Variants in FCHSD2 observed in about 807,000 individuals in gnomAD.
FCHSD2 encodes F-BAR and double SH3 domains protein 2.
Under a neutral mutation model 108.1 loss-of-function variants are expected in FCHSD2, and 38 were observed. The ratio of observed to expected loss-of-function variants is 0.35; its 90% CI spans 0.27 to 0.46. The LOEUF (loss-of-function observed/expected upper bound fraction) is 0.46, where lower values mean the gene tolerates loss of function less well. FCHSD2 is among the 20% of genes least tolerant of loss of function. The pLI is 1.00. For synonymous variants in FCHSD2, 279 were observed against 314.7 expected (o/e 0.89, Z 1.20); for missense variants, 751 against 897.8 (o/e 0.84, Z 2.09).
intron 2 of FCHSD2, among the ~76,000 whole-genome samples, chr11:73,089,623 T>C (rs907908844): frequency 1.3e-5 from 2 of 152,228 alleles, no homozygotes; most frequent in African/African-American, 4.8e-5. Flanking sequence ...GAAGTACTGA[T>C]ACATGCTACA....
At chr11:72,962,851 G>A (rs1403094917) in intron 8 of FCHSD2, among the ~76,000 whole-genome samples, 1 of 151,982 alleles carries the variant, frequency 6.6e-6, no homozygotes, top group East Asian at 1.9e-4. Flanking sequence ...TGCCACAAAA[G>A]TTAAATATCT....
At chr11:72,984,035 T>C (rs906643303) in intron 8 of FCHSD2, 53 bp downstream of exon 8, 17 of 1,474,126 alleles carry the variant, frequency 1.2e-5, no homozygotes, top group Middle Eastern at 1.7e-4. Context: ...CCAACTTAAG[T>C]TGTTTTTGTT....
intron 8 of FCHSD2, among the ~76,000 whole-genome samples, chr11:72,981,168 T>C (rs1857209360): frequency 6.6e-6 from 1 of 152,128 alleles, no homozygotes; most frequent in Admixed American, 6.6e-5. Flanking sequence ...AAACTGAAAG[T>C]ATGTTTTCTC....
intron 3 of FCHSD2, among the ~76,000 whole-genome samples, chr11:73,028,824 T>A (rs1858290800): frequency 2.0e-5 from 3 of 152,156 alleles, no homozygotes; most frequent in African/African-American, 7.2e-5. Context: ...TTTAAAAGTT[T>A]AGCACTTCCC....
At chr11:72,913,599 T>A (rs1258329339) in intron 9 of FCHSD2, among the ~76,000 whole-genome samples, 1 of 152,220 alleles carries the variant, frequency 6.6e-6, no homozygotes, top group Non-Finnish European at 1.5e-5. Flanking sequence ...GGTTTTCCAA[T>A]TTATTGGCAT....
intron 8 of FCHSD2, among the ~76,000 whole-genome samples, chr11:72,932,637 C>T (rs2135328335): frequency 6.6e-6 from 1 of 152,310 alleles, no homozygotes; most frequent in South Asian, 2.1e-4. Context: ...GCCTTAGTCT[C>T]TTCACTTAAT....
At chr11:72,933,732 A>G (rs1856240986) in intron 8 of FCHSD2, among the ~76,000 whole-genome samples, 1 of 152,222 alleles carries the variant, frequency 6.6e-6, no homozygotes, top group Non-Finnish European at 1.5e-5. Context: ...TCAAAGCTTA[A>G]AGTAGACAAT....
intron 8 of FCHSD2, among the ~76,000 whole-genome samples, chr11:72,950,412 G>A (rs984881493): frequency 1.3e-5 from 2 of 151,884 alleles, no homozygotes; most frequent in Admixed American, 6.6e-5. Context: ...CCTATTCTAA[G>A]TTAACATAGA....
chr11:72,981,805 G>A (rs955790657), intron 8 of FCHSD2, among the ~76,000 whole-genome samples: 3 of 152,124 alleles, frequency 2.0e-5, no homozygotes, highest in African/African-American at 4.8e-5. Flanking sequence ...GTGAGACCAC[G>A]CCTCTGCGAA....
At chr11:72,995,526 A>G (rs1026621013) in intron 5 of FCHSD2, among the ~76,000 whole-genome samples, 1 of 151,052 alleles carries the variant, frequency 6.6e-6, no homozygotes, top group African/African-American at 2.4e-5. Flanking sequence ...ACATGGTGAA[A>G]CCTCATCTCT....
At chr11:73,019,699 A>T (rs1227867797) in intron 3 of FCHSD2, among the ~76,000 whole-genome samples, 1 of 152,198 alleles carries the variant, frequency 6.6e-6, no homozygotes. Context: ...TCTAATCTGC[A>T]TGGATGCTCA....
intron 6 of FCHSD2, among the ~76,000 whole-genome samples, chr11:72,986,664 T>C (rs1394691327): frequency 6.6e-6 from 1 of 152,182 alleles, no homozygotes; most frequent in South Asian, 2.1e-4. Flanking sequence ...CCAAATAGGC[T>C]GAGTTGCATG....
chr11:73,032,367 T>G (rs1263616851), intron 3 of FCHSD2, among the ~76,000 whole-genome samples: 6 of 152,110 alleles, frequency 3.9e-5, no homozygotes, highest in African/African-American at 1.4e-4. Context: ...AAACTAATAT[T>G]ACAGGTGTGC....
intron 8 of FCHSD2, among the ~76,000 whole-genome samples, chr11:72,925,988 C>T (rs1856067969): frequency 6.6e-6 from 1 of 152,158 alleles, no homozygotes; most frequent in South Asian, 2.1e-4. Context: ...GGGGGAGGGC[C>T]GGGAAGGGCC....
chr11:73,124,573 T>C (rs941363065), intron 2 of FCHSD2, among the ~76,000 whole-genome samples: 1 of 151,882 alleles, frequency 6.6e-6, no homozygotes, highest in East Asian at 1.9e-4. Context: ...CTGGCCAACA[T>C]GGTGAAACCC....
intron 8 of FCHSD2, among the ~76,000 whole-genome samples, chr11:72,937,533 T>C (rs186386691): frequency 6.6e-6 from 1 of 152,332 alleles, no homozygotes; most frequent in Non-Finnish European, 1.5e-5. Flanking sequence ...GGACCATTAA[T>C]GGAAAGGCAA....
At chr11:72,984,419 G>A (rs1327847215) in intron 7 of FCHSD2, among the ~76,000 whole-genome samples, 1 of 152,128 alleles carries the variant, frequency 6.6e-6, no homozygotes, top group African/African-American at 2.4e-5. Context: ...CAGGGCAGGA[G>A]CATTTTCAAA....
chr11:73,108,593 G>A (rs1013588827), intron 2 of FCHSD2, among the ~76,000 whole-genome samples: 86 of 152,142 alleles, frequency 5.7e-4, no homozygotes, highest in African/African-American at 2.0e-3. Flanking sequence ...ACGGAGTCTC[G>A]CTCTGTCGCC....
chr11:73,125,754 G>C (rs1860840460), intron 2 of FCHSD2, among the ~76,000 whole-genome samples: 1 of 150,514 alleles, frequency 6.6e-6, no homozygotes, highest in South Asian at 2.1e-4. Flanking sequence ...TAAAAACAGA[G>C]GAATAGCTAA....
Sources: allele counts gnomAD v4.1 joint callset (sites outside exome capture counted in the v4.1 genomes callset), GRCh38; gene constraint gnomAD v4.1.1; transcripts MANE v1.5; gene names NCBI Gene and HGNC (gene_info 2026-07-23, HGNC 2026-07-21).